Variants in DENND5B observed in about 807,000 individuals in gnomAD.
DENND5B encodes the protein DENN domain-containing protein 5B.
Under a neutral mutation model 140.6 loss-of-function variants are expected in DENND5B, and 34 were observed. The ratio of observed to expected loss-of-function variants is 0.24; its 90% CI spans 0.18 to 0.32. The LOEUF (loss-of-function observed/expected upper bound fraction) is 0.32. Ranked by LOEUF, DENND5B falls within the 10% of genes least tolerant of loss-of-function variation. The probability of loss-of-function intolerance (pLI) is 1.00; values close to 1 mark genes in which losing one functional copy is unlikely to be tolerated. For missense variants in DENND5B, 1,142 were observed against 1,560.2 expected, an observed-to-expected ratio of 0.73 and a Z score of 4.52; for synonymous variants, 551 against 562.1, an observed-to-expected ratio of 0.98 and a Z score of 0.28.
chr12:31,480,229 G>A lies in DENND5B; in HGVS notation c.264C>T (p.Phe88=), dbSNP rs1293928412. 2 of 1,585,568 alleles carry A rather than the reference G, an allele frequency of 1.3e-6. No homozygotes were observed. The highest frequency in any genetic ancestry group is 1.7e-6 in the Non-Finnish European group (2 of 1,166,756). ...GGTCTTTATTGTCCGTTTGTGTCCT[G>A]AAAGATAGCCCTTTAGGCATGCACA... The part of the protein sequence containing the change: ...NMLCMPKGLS[F]RTQTDNKDPQ... The change falls in exon 3 of 21, where the codon TTC becomes TTT. Residue 88 remains phenylalanine (F), a synonymous_variant. Transcript: ENST00000389082.
At chr12:31,510,973 G>A (rs1342983786) in intron 1 of DENND5B, among the ~76,000 whole-genome samples, 3 of 152,160 alleles carry the variant, frequency 2.0e-5, no homozygotes, top group African/African-American at 7.2e-5. Flanking sequence ...GCTCATGCCT[G>A]TAATCCTAAC....
At chr12:31,555,403 GTTC>G (rs2087796951) in intron 1 of DENND5B, among the ~76,000 whole-genome samples, 1 of 152,152 alleles carries the variant, frequency 6.6e-6, no homozygotes, top group Non-Finnish European at 1.5e-5. Flanking sequence ...CTGCCTGATC[GTTC>G]TTCTGGAAGT....
intron 1 of DENND5B, among the ~76,000 whole-genome samples, chr12:31,582,894 G>A (rs1950253464): frequency 6.6e-6 from 1 of 152,168 alleles, no homozygotes; most frequent in Admixed American, 6.5e-5. Flanking sequence ...GGATGTTATG[G>A]GTATGGATGA....
chr12:31,459,808 C>A (rs1242547880), intron 4 of DENND5B, among the ~76,000 whole-genome samples: 2 of 151,798 alleles, frequency 1.3e-5, no homozygotes, highest in East Asian at 1.9e-4. Flanking sequence ...TGATAGAGGT[C>A]AAAAATAAAA....
intron 1 of DENND5B, among the ~76,000 whole-genome samples, chr12:31,531,185 G>C (rs1948264001): frequency 6.6e-6 from 1 of 150,918 alleles, no homozygotes; most frequent in Non-Finnish European, 1.5e-5. Context: ...ACTGTTCTTA[G>C]AACTAACTTT....
intron 6 of DENND5B, among the ~76,000 whole-genome samples, chr12:31,447,253 AGAGT>A (rs1479495096): frequency 3.3e-5 from 5 of 152,216 alleles, no homozygotes; most frequent in African/African-American, 1.2e-4. Flanking sequence ...CCTGGGTGAC[AGAGT>A]GAGAACCATC....
intron 1 of DENND5B, among the ~76,000 whole-genome samples, chr12:31,503,277 A>T (rs1345240968): frequency 6.6e-6 from 1 of 152,184 alleles, no homozygotes; most frequent in African/African-American, 2.4e-5. Context: ...TTGACAATGA[A>T]GGCTGGGTGC....
intron 3 of DENND5B, among the ~76,000 whole-genome samples, chr12:31,470,970 T>C (rs1017899595): frequency 6.6e-6 from 1 of 152,086 alleles, no homozygotes; most frequent in African/African-American, 2.4e-5. Context: ...TAGAGATGAA[T>C]CCACCTCCCA....
intron 3 of DENND5B, among the ~76,000 whole-genome samples, chr12:31,466,700 AAAC>A (rs150869364): frequency 4.6e-5 from 7 of 151,344 alleles, no homozygotes; most frequent in Non-Finnish European, 1.0e-4. Flanking sequence ...CTCAAAAACA[AAAC>A]AACAACAACA....
At chr12:31,462,491 C>T (rs148897972) in intron 3 of DENND5B, among the ~76,000 whole-genome samples, 8 of 152,198 alleles carry the variant, frequency 5.3e-5, no homozygotes, top group African/African-American at 1.4e-4. Flanking sequence ...ACTTGGCCCC[C>T]GTACTGTCTC....
At chr12:31,477,136 G>A (rs1945852496) in intron 3 of DENND5B, among the ~76,000 whole-genome samples, 1 of 151,802 alleles carries the variant, frequency 6.6e-6, no homozygotes, top group Non-Finnish European at 1.5e-5. Context: ...GCTGAGGCAG[G>A]AGAATTGTTT....
intron 3 of DENND5B, among the ~76,000 whole-genome samples, chr12:31,475,845 C>T (rs1272249): frequency 5.9e-5 from 9 of 151,950 alleles, no homozygotes; most frequent in South Asian, 4.2e-4. Flanking sequence ...AGGTGTGGGC[C>T]GGGTGCGGTG....
chr12:31,460,872 C>T (rs1456075346), intron 3 of DENND5B, among the ~76,000 whole-genome samples: 2 of 151,894 alleles, frequency 1.3e-5, no homozygotes, highest in Non-Finnish European at 2.9e-5. Context: ...ATTACAGGCG[C>T]CCACCACCAC....
intron 1 of DENND5B, among the ~76,000 whole-genome samples, chr12:31,574,267 AAAT>A (rs60548839): frequency 0.015 from 1,308 of 89,702 alleles, 21 homozygotes; most frequent in African/African-American, 0.038. Flanking sequence ...TGTCTCTAAA[AAAT>A]AATAATAATA....
intron 1 of DENND5B, among the ~76,000 whole-genome samples, chr12:31,537,301 C>A (rs1241370659): frequency 6.6e-6 from 1 of 151,896 alleles, no homozygotes; most frequent in African/African-American, 2.4e-5. Flanking sequence ...ATAAAAACAA[C>A]AAAAAGTTAG....
intron 1 of DENND5B, among the ~76,000 whole-genome samples, chr12:31,515,140 G>C (rs966978323): frequency 6.6e-6 from 1 of 151,922 alleles, no homozygotes; most frequent in Non-Finnish European, 1.5e-5. Context: ...AAAACAGAAC[G>C]TAAGACTTGC....
At chr12:31,397,706 G>A (rs1341198333) in intron 17 of DENND5B, among the ~76,000 whole-genome samples, 2 of 151,906 alleles carry the variant, frequency 1.3e-5, no homozygotes, top group African/African-American at 2.4e-5. Context: ...CAGGCAGATC[G>A]CTTGAGCTCA....
intron 6 of DENND5B, among the ~76,000 whole-genome samples, chr12:31,446,922 A>G (rs1017236902): frequency 2.6e-5 from 4 of 151,846 alleles, no homozygotes; most frequent in Admixed American, 6.6e-5. Flanking sequence ...AGAAAAAGAA[A>G]CATAAGTAGC....
At chr12:31,564,270 T>C (rs1949560752) in intron 1 of DENND5B, among the ~76,000 whole-genome samples, 2 of 152,200 alleles carry the variant, frequency 1.3e-5, no homozygotes, top group South Asian at 4.1e-4. Flanking sequence ...AAACTTTACC[T>C]TGAGTATCTA....
Sources: allele counts gnomAD v4.1 joint callset (sites outside exome capture counted in the v4.1 genomes callset), GRCh38; gene constraint gnomAD v4.1.1; transcripts MANE v1.5; gene names NCBI Gene and HGNC (gene_info 2026-07-23, HGNC 2026-07-21).